Variants in SDK1 observed in about 807,000 individuals in gnomAD.
The protein encoded by SDK1 is protein sidekick-1.
SDK1 carries 157 observed loss-of-function variants against 245.5 expected under a neutral mutation model. The observed-to-expected ratio is 0.64, with a 90% confidence interval of 0.56 to 0.73. The LOEUF (loss-of-function observed/expected upper bound fraction) is 0.73, where lower values mean the gene tolerates loss of function less well. Ranked by LOEUF, SDK1 falls within the 30% of genes least tolerant of loss-of-function variation. The pLI is 0.00. For missense variants in SDK1, 3,583 were observed against 3,002.3 expected, an observed-to-expected ratio of 1.19 and a Z score of -4.52; for synonymous variants, 1,647 against 1,278.5, an observed-to-expected ratio of 1.29 and a Z score of -6.15.
At chr7:4,194,296 A>C (rs989833814) in intron 35 of SDK1, among the ~76,000 whole-genome samples, 1 of 100,384 alleles carries the variant, frequency 1.0e-5, no homozygotes, top group Non-Finnish European at 2.2e-5. Flanking sequence ...GTATGCACGT[A>C]TGTGTATACA....
intron 1 of SDK1, among the ~76,000 whole-genome samples, chr7:3,345,495 A>G (rs1003318992): frequency 2.0e-5 from 3 of 152,318 alleles, no homozygotes; most frequent in South Asian, 2.1e-4. Context: ...CATTCTTACA[A>G]TAAGCATGAT....
intron 5 of SDK1, among the ~76,000 whole-genome samples, chr7:3,871,482 G>C (rs371834336): frequency 2.6e-5 from 4 of 152,204 alleles, no homozygotes; most frequent in Non-Finnish European, 4.4e-5. Flanking sequence ...AAAGGAATAC[G>C]TGAGGCTGGG....
At chr7:3,672,656 A>G (rs942724661) in intron 4 of SDK1, among the ~76,000 whole-genome samples, 1 of 140,360 alleles carries the variant, frequency 7.1e-6, no homozygotes, top group Admixed American at 7.4e-5. Context: ...TTAAATAAAT[A>G]TTAAATTTAT....
chr7:4,166,960 C>T (rs1781537334), intron 32 of SDK1, among the ~76,000 whole-genome samples: 1 of 152,110 alleles, frequency 6.6e-6, no homozygotes, highest in Admixed American at 6.5e-5. Flanking sequence ...CAGGTCCTGC[C>T]TCCTCCTACC....
chr7:3,497,938 A>C (rs1471362601), intron 1 of SDK1, among the ~76,000 whole-genome samples: 1 of 152,250 alleles, frequency 6.6e-6, no homozygotes, highest in South Asian at 2.1e-4. Flanking sequence ...ACTTTTTCCA[A>C]AGTTTCCCAG....
chr7:3,792,688 TCTCC>T (rs1778840859), intron 4 of SDK1, among the ~76,000 whole-genome samples: 2 of 122,088 alleles, frequency 1.6e-5, no homozygotes, highest in Non-Finnish European at 3.2e-5. Flanking sequence ...CCTCCTGCAG[TCTCC>T]CATCCATCCA....
At chr7:3,823,641 T>C (rs1200712127) in intron 5 of SDK1, among the ~76,000 whole-genome samples, 1 of 152,250 alleles carries the variant, frequency 6.6e-6, no homozygotes, top group Non-Finnish European at 1.5e-5. Flanking sequence ...TACTCATAAA[T>C]ATTATAATTA....
chr7:3,710,347 T>A (rs771096735), intron 4 of SDK1, among the ~76,000 whole-genome samples: 3 of 152,236 alleles, frequency 2.0e-5, no homozygotes, highest in Non-Finnish European at 4.4e-5. Flanking sequence ...CTTAGTAACT[T>A]TCTTGTTGAC....
chr7:3,902,202 A>ATG (rs1367143598), intron 5 of SDK1, among the ~76,000 whole-genome samples: 9 of 152,104 alleles, frequency 5.9e-5, no homozygotes, highest in South Asian at 2.1e-4. Context: ...GCGCGTGTGC[A>ATG]TGTGTGTGTG....
chr7:3,753,506 G>A (rs554744372), intron 4 of SDK1, among the ~76,000 whole-genome samples: 51 of 152,150 alleles, frequency 3.4e-4, no homozygotes, highest in Non-Finnish European at 6.2e-4. Flanking sequence ...AAGAAAACAG[G>A]AATGCACTCA....
At chr7:4,109,281 G>T (rs754279948) in intron 22 of SDK1, among the ~76,000 whole-genome samples, 3 of 152,152 alleles carry the variant, frequency 2.0e-5, no homozygotes, top group Admixed American at 1.3e-4. Context: ...AGAGTTTTGC[G>T]CTTTGCCTTT....
At chr7:3,960,076 A>G (rs1781563218) in intron 8 of SDK1, among the ~76,000 whole-genome samples, 1 of 152,200 alleles carries the variant, frequency 6.6e-6, no homozygotes. Flanking sequence ...CCTACTCCCT[A>G]AGAGCTCGGA....
At chr7:4,083,745 C>CCTCCCTCCCTCCCTT (rs1781241756) in intron 22 of SDK1, among the ~76,000 whole-genome samples, 2 of 7,306 alleles carry the variant, frequency 2.7e-4, no homozygotes, top group African/African-American at 7.5e-4. Context: ...TCCCTCCCTT[C>CCTCCCTCCCTCCCTT]CTTTACTTCC....
chr7:4,025,283 G>A (rs369678139), intron 17 of SDK1, among the ~76,000 whole-genome samples: 2 of 152,270 alleles, frequency 1.3e-5, no homozygotes, highest in South Asian at 2.1e-4. Flanking sequence ...AAAAGCTTCC[G>A]CCGAACAGAG....
chr7:3,691,714 A>G (rs546373656), intron 4 of SDK1, among the ~76,000 whole-genome samples: 6 of 152,322 alleles, frequency 3.9e-5, no homozygotes, highest in Admixed American at 3.3e-4. Flanking sequence ...TGGAAGGTCT[A>G]GTTTCAGGTG....
chr7:3,469,784 A>G (rs1781124942), intron 1 of SDK1, among the ~76,000 whole-genome samples: 1 of 152,182 alleles, frequency 6.6e-6, no homozygotes, highest in South Asian at 2.1e-4. Context: ...AGCTTTATCT[A>G]AAGAGAGATT....
At chr7:3,666,807 G>C (rs1044249876) in intron 4 of SDK1, among the ~76,000 whole-genome samples, 3 of 152,148 alleles carry the variant, frequency 2.0e-5, no homozygotes, top group Non-Finnish European at 4.4e-5. Context: ...GAGATCAGGT[G>C]GTCCATGCCT....
At chr7:3,951,094 A>T in intron 6 of SDK1, 60 bp downstream of exon 6, 3 of 1,239,016 alleles carry the variant, frequency 2.4e-6, no homozygotes, top group Admixed American at 1.7e-5. Context: ...TGACGAGCCG[A>T]CGATAGAAGG....
chr7:4,163,709 A>G (rs1323936704), intron 32 of SDK1, among the ~76,000 whole-genome samples: 2 of 152,106 alleles, frequency 1.3e-5, no homozygotes, highest in Non-Finnish European at 1.5e-5. Context: ...CTTCCTGGGC[A>G]TGGTCTTGAG....
Sources: gnomAD v4.1 joint callset for allele counts (sites outside exome capture counted in the v4.1 genomes callset) on GRCh38, gnomAD v4.1.1 for gene constraint, MANE v1.5 for transcripts, NCBI Gene and HGNC (gene_info 2026-07-23, HGNC 2026-07-21) for gene names.